Variants in TEAD1 observed in about 807,000 individuals in gnomAD.
The protein encoded by TEAD1 is TEA domain transcription factor 1, also known as transcriptional enhancer factor TEF-1.
A neutral mutation model predicts 54.9 loss-of-function variants in TEAD1; 9 were observed. That is an observed-to-expected ratio of 0.16 (90% CI 0.10 to 0.29). The LOEUF (loss-of-function observed/expected upper bound fraction) is 0.29, where lower values mean the gene tolerates loss of function less well. Among genes scored for constraint, TEAD1 ranks in the 10% least tolerant of loss-of-function variants. TEAD1 has a pLI of 1.00. For missense variants in TEAD1, 387 were observed against 535.9 expected, an observed-to-expected ratio of 0.72 and a Z score of 2.74; for synonymous variants, 200 against 187.8, an observed-to-expected ratio of 1.07 and a Z score of -0.53.
chr11:12,702,965 C>G (rs556468790), intron 2 of TEAD1, among the ~76,000 whole-genome samples: 8 of 152,246 alleles, frequency 5.3e-5, no homozygotes, highest in African/African-American at 1.7e-4. Context: ...AGTTAAGTAC[C>G]TTGTCCAAAA....
chr11:12,743,299 A>G (rs1231796241), intron 2 of TEAD1, among the ~76,000 whole-genome samples: 2 of 152,222 alleles, frequency 1.3e-5, no homozygotes, highest in African/African-American at 4.8e-5. Flanking sequence ...TTTTATTAAT[A>G]TTACAGGTAA....
chr11:12,933,846 A>G (rs1279407879), intron 12 of TEAD1, among the ~76,000 whole-genome samples: 2 of 152,236 alleles, frequency 1.3e-5, no homozygotes, highest in African/African-American at 4.8e-5. Flanking sequence ...ATACCATCTC[A>G]CACCAGTTAG....
chr11:12,785,049 C>CT (rs1158872679), intron 3 of TEAD1, among the ~76,000 whole-genome samples: 1 of 152,168 alleles, frequency 6.6e-6, no homozygotes, highest in African/African-American at 2.4e-5. Context: ...GCCCTGCCCT[C>CT]TCTCTGTGTC....
intron 3 of TEAD1, among the ~76,000 whole-genome samples, chr11:12,785,204 G>T (rs1488066118): frequency 6.6e-6 from 1 of 152,210 alleles, no homozygotes; most frequent in East Asian, 1.9e-4. Context: ...GGGTAGGAGA[G>T]TAGGACAAGT....
chr11:12,882,299 G>A (rs1947989505), intron 8 of TEAD1, among the ~76,000 whole-genome samples: 1 of 152,120 alleles, frequency 6.6e-6, no homozygotes, highest in Admixed American at 6.5e-5. Flanking sequence ...GGCCAGATAG[G>A]GTTTCATTCA....
chr11:12,819,584 G>A (rs1373746471), intron 3 of TEAD1, among the ~76,000 whole-genome samples: 1 of 152,084 alleles, frequency 6.6e-6, no homozygotes, highest in African/African-American at 2.4e-5. Context: ...AAGTAGCTGG[G>A]ACTACAGGCG....
intron 9 of TEAD1, among the ~76,000 whole-genome samples, chr11:12,883,410 T>G (rs1348967287): frequency 6.6e-6 from 1 of 152,172 alleles, no homozygotes; most frequent in Admixed American, 6.5e-5. Flanking sequence ...CTCTTATGTT[T>G]TGTAAAATTT....
chr11:12,761,950 G>C lies in TEAD1; in HGVS notation c.-54-2229G>C, dbSNP rs546554252. Among the ~76,000 whole-genome samples, 9 of 152,248 alleles carry C rather than the reference G, an allele frequency of 5.9e-5. 2 individuals carry two copies. Among genetic ancestry groups the C allele is most frequent in the African/African-American group, 2.2e-4 (9 of 41,518 alleles). On this transcript the variant is annotated intron_variant, in intron 2 of 12. Coordinates refer to ENST00000527636, the MANE Select transcript of TEAD1 (RefSeq NM_021961.6). The stretch of plus-strand genomic sequence containing the variant: ...AGGGGACTTTAAGCACTGAATGGGG[G>C]TGGTTGGTGTGTTTTGGTCTGGAGA...
chr11:12,688,874 T>G (rs1225706074), intron 2 of TEAD1, among the ~76,000 whole-genome samples: 2 of 152,248 alleles, frequency 1.3e-5, no homozygotes, highest in South Asian at 4.1e-4. Context: ...TTCAGGGTCC[T>G]GAGGTTTTCC....
intron 2 of TEAD1, among the ~76,000 whole-genome samples, chr11:12,682,690 A>C (rs917998620): frequency 6.6e-6 from 1 of 152,130 alleles, no homozygotes; most frequent in African/African-American, 2.4e-5. Flanking sequence ...CTGAGCGTTT[A>C]AACATTTATG....
intron 5 of TEAD1, among the ~76,000 whole-genome samples, chr11:12,877,907 C>G (rs933333507): frequency 6.6e-6 from 1 of 151,972 alleles, no homozygotes; most frequent in Non-Finnish European, 1.5e-5. Flanking sequence ...AAACAGTCCT[C>G]CCACCTCAGG....
At chr11:12,772,911 C>T (rs1223049690) in intron 3 of TEAD1, among the ~76,000 whole-genome samples, 1 of 152,196 alleles carries the variant, frequency 6.6e-6, no homozygotes. Flanking sequence ...GAATACAGAA[C>T]AGCTCCAACA....
chr11:12,930,844 G>C (rs1949000597), intron 12 of TEAD1, among the ~76,000 whole-genome samples: 1 of 152,190 alleles, frequency 6.6e-6, no homozygotes, highest in African/African-American at 2.4e-5. Flanking sequence ...GGACTTCCAA[G>C]GCCTTCTAAG....
chr11:12,833,918 C>G (rs537781679), intron 3 of TEAD1, among the ~76,000 whole-genome samples: 1 of 152,278 alleles, frequency 6.6e-6, no homozygotes, highest in Non-Finnish European at 1.5e-5. Flanking sequence ...CTTATTTCCC[C>G]AACTAGACCT....
chr11:12,728,074 G>T, intron 2 of TEAD1, among the ~76,000 whole-genome samples: 1 of 152,174 alleles, frequency 6.6e-6, no homozygotes, highest in Admixed American at 6.5e-5. Context: ...GGTGCTCTCA[G>T]TTGGGAATGA....
rs1348174598 is a variant in TEAD1 at position 12,944,699 on chromosome 11, G to C, written c.*7477G>C. ...CTTTCTAGAAACTTTGTATTCATAC[G>C]GTATCAATGAAAAATAAAGAAAATG... On this transcript the variant is annotated 3_prime_UTR_variant, in exon 13 of 13. Coordinates refer to ENST00000527636, the MANE Select transcript of TEAD1 (RefSeq NM_021961.6). 6.6e-6 allele frequency among the ~76,000 whole-genome samples: 1 copy of C among 152,058 alleles called. No individual in the cohort carries two copies. Among genetic ancestry groups the C allele is most frequent in the African/African-American group, 2.4e-5 (1 of 41,394 alleles).
intron 2 of TEAD1, among the ~76,000 whole-genome samples, chr11:12,747,087 A>G (rs1158863001): frequency 2.0e-5 from 3 of 152,188 alleles, no homozygotes; most frequent in Non-Finnish European, 4.4e-5. Context: ...GTTCTAGTCT[A>G]AGGTATGCCT....
intron 9 of TEAD1, among the ~76,000 whole-genome samples, chr11:12,895,148 A>G (rs1948285838): frequency 6.6e-6 from 1 of 152,136 alleles, no homozygotes; most frequent in South Asian, 2.1e-4. Context: ...GGGACCAGGA[A>G]ACAAAGTGAC....
At chr11:12,739,989 C>T (rs1441252687) in intron 2 of TEAD1, among the ~76,000 whole-genome samples, 1 of 152,166 alleles carries the variant, frequency 6.6e-6, no homozygotes, top group Non-Finnish European at 1.5e-5. Context: ...AAAGAGGTAG[C>T]TATTGAATCG....
Sources: gnomAD v4.1 joint callset for allele counts (sites outside exome capture counted in the v4.1 genomes callset) on GRCh38, gnomAD v4.1.1 for gene constraint, MANE v1.5 for transcripts, NCBI Gene and HGNC (gene_info 2026-07-23, HGNC 2026-07-21) for gene names.